Variants in ZNF804A observed in about 807,000 individuals in gnomAD.
ZNF804A encodes zinc finger protein 804A.
A neutral mutation model predicts 16.5 loss-of-function variants in ZNF804A; 2 were observed. The ratio of observed to expected loss-of-function variants is 0.12; its 90% confidence interval spans 0.05 to 0.38. The LOEUF is 0.38. Among genes scored for constraint, ZNF804A ranks in the 10% least tolerant of loss-of-function variants. The pLI is 0.99. For synonymous variants in ZNF804A, 534 were observed against 489.6 expected, an observed-to-expected ratio of 1.09 and a Z score of -1.20; for missense variants, 1,473 against 1,390.7, an observed-to-expected ratio of 1.06 and a Z score of -0.94.
chr2:184,935,958 G>A lies in ZNF804A; in HGVS notation c.562G>A (p.Glu188Lys). Residue 188 changes from glutamate (E) to lysine (K), a missense_variant, in exon 4 of 4, where the codon GAA becomes AAA. Coordinates refer to ENST00000302277, the MANE Select transcript of ZNF804A (RefSeq NM_194250.2). Reference sequence around the variant, plus strand: ...TGCTACCACTGTTGCTGAAGATCCAGAAAGTGCAAATAATTATACAGCAAA... The same window carrying A: ...TGCTACCACTGTTGCTGAAGATCCAAAAAGTGCAAATAATTATACAGCAAA... ...KDATTVAEDP[E>K]SANNYTAKNN... 6.2e-7 allele frequency: 1 copy of A among 1,613,970 alleles called. No individual in the cohort carries two copies. The highest frequency in any genetic ancestry group is 8.5e-7 in the Non-Finnish European group (1 of 1,179,926).
chr2:184,825,945 C>T (rs938781086), intron 1 of ZNF804A, among the ~76,000 whole-genome samples: 14 of 152,202 alleles, frequency 9.2e-5, no homozygotes, highest in African/African-American at 3.1e-4. Context: ...GATCACGGCT[C>T]ATTGCAACCT....
intron 1 of ZNF804A, among the ~76,000 whole-genome samples, chr2:184,763,641 T>G (rs1343704598): frequency 5.9e-5 from 7 of 117,802 alleles, no homozygotes; most frequent in African/African-American, 2.0e-4. Context: ...TTTTTTTTTT[T>G]TTTTTTTTTT....
rs760974122 is a variant in ZNF804A at position 184,938,209 on chromosome 2, A to C, written c.2813A>C (p.Glu938Ala). The C allele has an allele frequency of 1.2e-6, 2 of 1,614,142 alleles. No individual in the cohort carries two copies. Among genetic ancestry groups the C allele is most frequent in the Non-Finnish European group, 8.5e-7 (1 of 1,180,026 alleles). Reference sequence around the variant, plus strand: ...GACAATACCCTGCTTGAACACAAAGAAAGAAGTGAGAATATAAATCTTAAT... The same window carrying C: ...GACAATACCCTGCTTGAACACAAAGCAAGAAGTGAGAATATAAATCTTAAT... ...AIDNTLLEHK[E>A]RSENINLNEK... Residue 938 changes from glutamate (E) to alanine (A), a missense_variant, in exon 4 of 4, where the codon GAA (glutamate) becomes GCA (alanine). Glu to Ala is a moderately radical substitution (Grantham distance 107). Transcript: ENST00000302277.
At chr2:184,631,054 T>C (rs1053666094) in intron 1 of ZNF804A, among the ~76,000 whole-genome samples, 2 of 152,174 alleles carry the variant, frequency 1.3e-5, no homozygotes, top group Non-Finnish European at 2.9e-5. Context: ...TGAAATTTGG[T>C]GTAACTTTGG....
chr2:184,814,158 A>G (rs1192635798), intron 1 of ZNF804A, among the ~76,000 whole-genome samples: 3 of 151,904 alleles, frequency 2.0e-5, no homozygotes, highest in Admixed American at 6.6e-5. Context: ...AGAAACTGCC[A>G]TACAGTTCCT....
chr2:184,621,476 C>T (rs989488682), intron 1 of ZNF804A, among the ~76,000 whole-genome samples: 1 of 151,660 alleles, frequency 6.6e-6, no homozygotes, highest in African/African-American at 2.4e-5. Context: ...CCGTATTGTT[C>T]CTGGATAATT....
intron 1 of ZNF804A, among the ~76,000 whole-genome samples, chr2:184,648,234 A>G (rs545434885): frequency 6.6e-6 from 1 of 152,228 alleles, no homozygotes; most frequent in South Asian, 2.1e-4. Flanking sequence ...TAACACTAGA[A>G]CAGCCATACA....
At chr2:184,909,851 T>A (rs1051145856) in intron 2 of ZNF804A, among the ~76,000 whole-genome samples, 2 of 152,074 alleles carry the variant, frequency 1.3e-5, no homozygotes, top group African/African-American at 2.4e-5. Flanking sequence ...GTTTATGTGA[T>A]CCCTGCAATT....
intron 2 of ZNF804A, among the ~76,000 whole-genome samples, chr2:184,927,195 T>C (rs964223386): frequency 3.9e-5 from 6 of 152,252 alleles, no homozygotes; most frequent in African/African-American, 1.4e-4. Context: ...CTAAGCTGTA[T>C]CTACATTAGG....
At chr2:184,758,069 G>A (rs796877763) in intron 1 of ZNF804A, among the ~76,000 whole-genome samples, 3 of 152,052 alleles carry the variant, frequency 2.0e-5, no homozygotes, top group African/African-American at 7.2e-5. Flanking sequence ...CTATCATAAT[G>A]GAGAATTTTA....
intron 1 of ZNF804A, among the ~76,000 whole-genome samples, chr2:184,787,448 G>T (rs1379607574): frequency 2.0e-5 from 3 of 151,970 alleles, no homozygotes; most frequent in Admixed American, 2.0e-4. Flanking sequence ...TTCCATAGAG[G>T]TTGAACTACT....
At chr2:184,792,401 C>T (rs910649173) in intron 1 of ZNF804A, among the ~76,000 whole-genome samples, 3 of 152,050 alleles carry the variant, frequency 2.0e-5, no homozygotes, top group Non-Finnish European at 4.4e-5. Flanking sequence ...TCTGTAATTC[C>T]GTAAAGACAT....
At chr2:184,791,431 G>T (rs1243049109) in intron 1 of ZNF804A, among the ~76,000 whole-genome samples, 1 of 152,098 alleles carries the variant, frequency 6.6e-6, no homozygotes, top group Non-Finnish European at 1.5e-5. Context: ...TAGTTTGGCA[G>T]GATACAAGCT....
chr2:184,931,690 T>C (rs10427295), intron 2 of ZNF804A, among the ~76,000 whole-genome samples: 10,163 of 152,262 alleles, frequency 0.067, 1,151 homozygotes, highest in African/African-American at 0.23. Flanking sequence ...GTCTTGGTCA[T>C]TAACATTTGA....
intron 2 of ZNF804A, among the ~76,000 whole-genome samples, 200 bp downstream of exon 2, chr2:184,866,712 G>T (rs1264735812): frequency 6.8e-6 from 1 of 146,954 alleles, no homozygotes. Flanking sequence ...GGCACCAATA[G>T]CAAAGTCTGA....
intron 1 of ZNF804A, among the ~76,000 whole-genome samples, chr2:184,757,923 GA>G (rs1177866653): frequency 1.3e-5 from 2 of 151,940 alleles, no homozygotes; most frequent in Non-Finnish European, 2.9e-5. Flanking sequence ...TTCTTGAAGG[GA>G]AATAGAAAAA....
At chr2:184,714,376 G>T (rs1203624226) in intron 1 of ZNF804A, among the ~76,000 whole-genome samples, 1 of 151,936 alleles carries the variant, frequency 6.6e-6, no homozygotes, top group Non-Finnish European at 1.5e-5. Flanking sequence ...TATTAAATAT[G>T]CATTACTACT....
At chr2:184,703,373 T>A (rs774979111) in intron 1 of ZNF804A, among the ~76,000 whole-genome samples, 3 of 152,098 alleles carry the variant, frequency 2.0e-5, no homozygotes, top group Non-Finnish European at 4.4e-5. Context: ...AGTGAACACA[T>A]ATACTCTAGT....
intron 1 of ZNF804A, among the ~76,000 whole-genome samples, chr2:184,651,627 CA>C (rs1440724963): frequency 6.6e-6 from 1 of 151,638 alleles, no homozygotes; most frequent in Non-Finnish European, 1.5e-5. Context: ...TAAAAGTAGG[CA>C]AAAAATAGGA....
Sources: allele counts gnomAD v4.1 joint callset (sites outside exome capture counted in the v4.1 genomes callset), GRCh38; gene constraint gnomAD v4.1.1; transcripts MANE v1.5; gene names NCBI Gene and HGNC (gene_info 2026-07-23, HGNC 2026-07-21).